The following VWA8 variants were observed in gnomAD, a reference collection of about 807,000 sequenced individuals.
VWA8 encodes the protein von Willebrand factor A domain-containing protein 8.
A neutral mutation model predicts 241.5 loss-of-function variants in VWA8; 221 were observed. That is an observed-to-expected ratio of 0.91 (90% CI 0.82 to 1.02). The LOEUF is 1.02. VWA8 is among the 50% of genes least tolerant of loss of function. VWA8 has a pLI of 0.00. For missense variants in VWA8, 2,322 were observed against 2,328.7 expected, an observed-to-expected ratio of 1.00 and a Z score of 0.06; for synonymous variants, 852 against 827.1, an observed-to-expected ratio of 1.03 and a Z score of -0.52.
rs771933216 is a variant in VWA8, at chr13:41,575,846, C to T, written c.5272-8G>A. 1.3e-6 allele frequency: 2 copies of T among 1,595,214 alleles called. No individual in the cohort carries two copies. The highest frequency in any genetic ancestry group is 2.3e-5 in the South Asian group (2 of 88,570). ...GTGTCCAACGATGTCATACTACATGCAAGAGAACCAGAAAGTTATAAACTT... is the reference window on the plus strand; with the variant it reads ...GTGTCCAACGATGTCATACTACATGTAAGAGAACCAGAAAGTTATAAACTT... On this transcript the variant is annotated splice_region_variant and splice_polypyrimidine_tract_variant and intron_variant, in intron 42 of 44. Transcript: ENST00000379310.
chr13:41,708,993 T>A (rs1437623972), intron 26 of VWA8, among the ~76,000 whole-genome samples: 2 of 152,186 alleles, frequency 1.3e-5, no homozygotes, highest in Non-Finnish European at 2.9e-5. Flanking sequence ...GCTTTATCAG[T>A]TGCATCTTAG....
chr13:41,922,658 T>C (rs1876608953), intron 2 of VWA8, among the ~76,000 whole-genome samples: 1 of 152,174 alleles, frequency 6.6e-6, no homozygotes. Flanking sequence ...AGAAGACATT[T>C]ATGCAGCCAA....
chr13:41,662,314 T>C (rs2044955429), intron 37 of VWA8, among the ~76,000 whole-genome samples: 1 of 152,152 alleles, frequency 6.6e-6, no homozygotes, highest in Non-Finnish European at 1.5e-5. Flanking sequence ...ATTTCTTTCA[T>C]TAATGTTTTA....
At chr13:41,715,991 T>A (rs1437405945) in intron 26 of VWA8, among the ~76,000 whole-genome samples, 1 of 152,034 alleles carries the variant, frequency 6.6e-6, no homozygotes, top group Admixed American at 6.6e-5. Flanking sequence ...TTCATATTTT[T>A]AAAAATACTT....
At chr13:41,923,258 G>A (rs938379272) in intron 2 of VWA8, among the ~76,000 whole-genome samples, 6 of 152,092 alleles carry the variant, frequency 3.9e-5, no homozygotes, top group Non-Finnish European at 8.8e-5. Context: ...ACACAGGGTG[G>A]GGAACATCAC....
chr13:41,768,751 A>G (rs1430832581), intron 20 of VWA8, among the ~76,000 whole-genome samples: 1 of 152,188 alleles, frequency 6.6e-6, no homozygotes, highest in Non-Finnish European at 1.5e-5. Flanking sequence ...AAAGGTTTAT[A>G]TTCAAAAATA....
chr13:41,821,533 C>A (rs1372529269), intron 14 of VWA8, among the ~76,000 whole-genome samples: 2 of 151,848 alleles, frequency 1.3e-5, no homozygotes, highest in Non-Finnish European at 2.9e-5. Flanking sequence ...GTGGGTAATA[C>A]AAAGACCAAA....
At chr13:41,948,868 G>A (rs548123513) in intron 2 of VWA8, among the ~76,000 whole-genome samples, 124 of 151,866 alleles carry the variant, frequency 8.2e-4, no homozygotes, top group African/African-American at 2.8e-3. Flanking sequence ...TTTATACAAT[G>A]GAACATTATT....
At chr13:41,890,470 T>C (rs1874780636) in intron 5 of VWA8, among the ~76,000 whole-genome samples, 1 of 152,258 alleles carries the variant, frequency 6.6e-6, no homozygotes, top group Non-Finnish European at 1.5e-5. Flanking sequence ...AAATGTCTTC[T>C]TGTCATTTGT....
chr13:41,690,041 C>G, intron 33 of VWA8, 125 bp downstream of exon 33: 1 of 712,546 alleles, frequency 1.4e-6, no homozygotes, highest in East Asian at 3.1e-5. Context: ...GGTGTAGTGA[C>G]TAAGTTTTTT....
chr13:41,666,167 A>C (rs1235456120), intron 37 of VWA8, among the ~76,000 whole-genome samples: 1 of 152,114 alleles, frequency 6.6e-6, no homozygotes, highest in Non-Finnish European at 1.5e-5. Flanking sequence ...TCTGAAACAC[A>C]ATCTATATAA....
intron 37 of VWA8, among the ~76,000 whole-genome samples, chr13:41,624,754 G>A (rs1051532768): frequency 4.6e-5 from 7 of 152,108 alleles, no homozygotes; most frequent in Non-Finnish European, 1.0e-4. Context: ...TTCTCTTTGA[G>A]AATCGAAACA....
intron 4 of VWA8, among the ~76,000 whole-genome samples, chr13:41,893,298 GTCTACA>G (rs1325524005): frequency 3.3e-5 from 5 of 152,040 alleles, no homozygotes; most frequent in Admixed American, 2.6e-4. Context: ...TATTTCAAGT[GTCTACA>G]TAATGTTGTA....
chr13:41,771,104 A>G (rs1304852834), intron 20 of VWA8, among the ~76,000 whole-genome samples: 1 of 152,204 alleles, frequency 6.6e-6, no homozygotes, highest in Admixed American at 6.5e-5. Context: ...TAAAAACAAA[A>G]CACTGAATAT....
intron 19 of VWA8, among the ~76,000 whole-genome samples, chr13:41,778,667 G>C (rs1868733216): frequency 6.6e-6 from 1 of 150,452 alleles, no homozygotes; most frequent in South Asian, 2.1e-4. Flanking sequence ...GGGCTGGGAA[G>C]AGATCTACAC....
intron 20 of VWA8, among the ~76,000 whole-genome samples, chr13:41,768,854 C>T (rs1202597330): frequency 6.6e-6 from 1 of 151,570 alleles, no homozygotes; most frequent in African/African-American, 2.4e-5. Flanking sequence ...ATTCAATGAC[C>T]AGGCTTTGTT....
chr13:41,901,626 G>A (rs1875429005), intron 4 of VWA8, among the ~76,000 whole-genome samples: 2 of 151,942 alleles, frequency 1.3e-5, no homozygotes, highest in Non-Finnish European at 1.5e-5. Context: ...CCAGCACGGT[G>A]GGAGGCCGAG....
At chr13:41,576,914 C>G (rs932031426) in intron 42 of VWA8, among the ~76,000 whole-genome samples, 2 of 152,232 alleles carry the variant, frequency 1.3e-5, no homozygotes, top group Non-Finnish European at 2.9e-5. Context: ...CATGAGGTAC[C>G]TCAAATGCAT....
At chr13:41,668,551 C>G (rs1315030721) in intron 37 of VWA8, among the ~76,000 whole-genome samples, 2 of 152,108 alleles carry the variant, frequency 1.3e-5, no homozygotes, top group Admixed American at 6.6e-5. Flanking sequence ...AGAAAGGGAA[C>G]TGTAAAAGAC....
Sources: allele counts gnomAD v4.1 joint callset (sites outside exome capture counted in the v4.1 genomes callset), GRCh38; gene constraint gnomAD v4.1.1; transcripts MANE v1.5; gene names NCBI Gene and HGNC (gene_info 2026-07-23, HGNC 2026-07-21).